The following ANKRD12 variants were observed in gnomAD, a reference collection of about 807,000 sequenced individuals.
ANKRD12 encodes the protein ankyrin repeat domain 12.
In ANKRD12, 85 loss-of-function variants were observed where a neutral mutation model predicts 183.4. The ratio of observed to expected loss-of-function variants is 0.46; its 90% confidence interval spans 0.39 to 0.56. The LOEUF (loss-of-function observed/expected upper bound fraction) is 0.56. Ranked by LOEUF, ANKRD12 falls within the 20% of genes least tolerant of loss-of-function variation. The pLI is 0.00. For synonymous variants in ANKRD12, 914 were observed against 800.2 expected (o/e 1.14, Z -2.40); for missense variants, 2,405 against 2,357.1 (o/e 1.02, Z -0.42).
intron 1 of ANKRD12, among the ~76,000 whole-genome samples, chr18:9,138,240 C>T (rs530954694): frequency 6.6e-6 from 1 of 152,340 alleles, no homozygotes; most frequent in South Asian, 2.1e-4. Context: ...CAGCCGGGCG[C>T]GGTGGCTCAT....
Position 9,255,487 on chromosome 18 carries a change from T to G in ANKRD12, c.2220T>G (p.His740Gln). 1 of 1,567,316 alleles carries G rather than the reference T, an allele frequency of 6.4e-7. No homozygotes were observed. Among genetic ancestry groups the G allele is most frequent in the Non-Finnish European group, 8.6e-7 (1 of 1,165,618 alleles). The stretch of plus-strand genomic sequence containing the variant: ...ATGATAAATCAACCAAGGAAAAGCA[T>G]GTGTCAAAAGAGAGGAACTTTAAAG... ...IKDDKSTKEK[H>Q]VSKERNFKEE... The change falls in exon 9 of 13, where the codon CAT becomes CAG. Residue 740 changes from histidine to glutamine, a missense_variant. Around this residue, in one of 7 missense-constraint regions of ANKRD12, gnomAD observed 1,983 missense variants for 1,725.9 expected, o/e 1.15. Transcript: ENST00000262126.
chr18:9,248,746 G>A (rs902369698), intron 8 of ANKRD12, among the ~76,000 whole-genome samples: 6 of 152,222 alleles, frequency 3.9e-5, no homozygotes, highest in East Asian at 1.9e-4. Context: ...AAGTCAGTGC[G>A]TGTGTGAAAG....
intron 5 of ANKRD12, among the ~76,000 whole-genome samples, chr18:9,210,038 C>T (rs1161688441): frequency 2.6e-5 from 4 of 151,678 alleles, no homozygotes; most frequent in Non-Finnish European, 5.9e-5. Flanking sequence ...AATAGGAGTA[C>T]ACTATAATAC....
At chr18:9,198,816 G>C (rs2144472122) in intron 3 of ANKRD12, among the ~76,000 whole-genome samples, 1 of 152,230 alleles carries the variant, frequency 6.6e-6, no homozygotes, top group South Asian at 2.1e-4. Context: ...AAAGTGCTGG[G>C]ATTACAGGAG....
At chr18:9,205,376 A>G (rs1248838732) in intron 4 of ANKRD12, among the ~76,000 whole-genome samples, 2 of 151,860 alleles carry the variant, frequency 1.3e-5, no homozygotes, top group Non-Finnish European at 2.9e-5. Context: ...TATGACATTT[A>G]GTTATAAAAA....
At position 9,254,204 on chromosome 18, in the gene ANKRD12, A is replaced by C. The variant is rs1201323816; in HGVS notation, c.944-7A>C. 6.7e-7 allele frequency: 1 copy of C among 1,489,854 alleles called. No individual in the cohort carries two copies. Among genetic ancestry groups the C allele is most frequent in the Non-Finnish European group, 8.9e-7 (1 of 1,123,224 alleles). 92.3% of individuals were successfully genotyped at this position (1,489,854 alleles called of 1,614,324 possible). On this transcript the variant is annotated splice_region_variant and splice_polypyrimidine_tract_variant and intron_variant, in intron 8 of 12. Coordinates refer to ENST00000262126, the MANE Select transcript of ANKRD12 (RefSeq NM_015208.5). ...ACCCACACCACATTTTCTTTTTTTT[A>C]TTCTAGATTCCGAAGAGGCTCAATC...
chr18:9,253,908 G>A (rs1458810582), intron 8 of ANKRD12, among the ~76,000 whole-genome samples: 1 of 152,150 alleles, frequency 6.6e-6, no homozygotes, highest in Non-Finnish European at 1.5e-5. Flanking sequence ...AGAGATACAC[G>A]CTTCTATGTT....
At chr18:9,210,046 T>C (rs1413077857) in intron 5 of ANKRD12, among the ~76,000 whole-genome samples, 2 of 152,124 alleles carry the variant, frequency 1.3e-5, no homozygotes, top group Non-Finnish European at 2.9e-5. Flanking sequence ...TACACTATAA[T>C]ACTGTTCTGC....
rs779325792 is a variant in ANKRD12, at chr18:9,216,748, CTAACTT to C, written c.653-7_653-2del. 5.0e-6 allele frequency: 8 copies of C among 1,608,770 alleles called. No homozygotes were observed. The highest frequency in any genetic ancestry group is 2.2e-5 in the East Asian group (1 of 44,718). ...AAGTGAATCATGTTAAATTAATAAT[CTAACTT>C]TAGGTTGGACACCACTGCATGAAGC... On this transcript the variant is annotated splice_polypyrimidine_tract_variant and splice_region_variant and intron_variant, in intron 6 of 12. Transcript: ENST00000262126.
chr18:9,202,806 C>T (rs1462669830), intron 3 of ANKRD12, among the ~76,000 whole-genome samples: 2 of 152,176 alleles, frequency 1.3e-5, no homozygotes, highest in African/African-American at 4.8e-5. Context: ...TTTAATTTTC[C>T]AGTTCCTGAG....
In ANKRD12 at chr18:9,241,864, A is replaced by G. The variant is rs372492175; in HGVS notation, c.944-12347A>G. Among the ~76,000 whole-genome samples, 36 of 152,030 alleles carry G rather than the reference A, an allele frequency of 2.4e-4. No individual in the cohort carries two copies. The South Asian group carries it at 5.4e-3, about 23-fold the overall frequency. The stretch of plus-strand genomic sequence containing the variant: ...AATTAATTATATCAGCCTAGCTCCA[A>G]AGCCCAAGAGTTTTAAATTCCAGGT... On this transcript the variant is annotated intron_variant, in intron 8 of 12. Coordinates refer to ENST00000262126, the MANE Select transcript of ANKRD12 (RefSeq NM_015208.5).
chr18:9,165,732 A>T (rs1409109703), intron 1 of ANKRD12, among the ~76,000 whole-genome samples: 2 of 149,514 alleles, frequency 1.3e-5, no homozygotes, highest in African/African-American at 4.9e-5. Context: ...TTTTATTATT[A>T]TTCTACTTTA....
At chr18:9,221,046 T>G (rs1480871402) in intron 7 of ANKRD12, among the ~76,000 whole-genome samples, 1 of 152,242 alleles carries the variant, frequency 6.6e-6, no homozygotes, top group Non-Finnish European at 1.5e-5. Context: ...CAGCAAAGTT[T>G]CCTTGTTTTG....
intron 8 of ANKRD12, among the ~76,000 whole-genome samples, chr18:9,228,495 T>C (rs2036853315): frequency 2.0e-5 from 3 of 152,222 alleles, no homozygotes; most frequent in Admixed American, 2.0e-4. Context: ...ATTTTTTGTC[T>C]TTGTGATAAT....
chr18:9,246,178 A>G (rs2037953254), intron 8 of ANKRD12, among the ~76,000 whole-genome samples: 1 of 152,212 alleles, frequency 6.6e-6, no homozygotes, highest in Non-Finnish European at 1.5e-5. Context: ...TAAAAATTAT[A>G]TACTGGCATC....
At chr18:9,177,652 C>A (rs1469680878) in intron 1 of ANKRD12, among the ~76,000 whole-genome samples, 1 of 151,996 alleles carries the variant, frequency 6.6e-6, no homozygotes, top group Non-Finnish European at 1.5e-5. Context: ...TTATAGTCAC[C>A]CTACTGTGCT....
chr18:9,184,892 G>A (rs960734004), intron 2 of ANKRD12, among the ~76,000 whole-genome samples: 1 of 152,008 alleles, frequency 6.6e-6, no homozygotes, highest in Non-Finnish European at 1.5e-5. Flanking sequence ...GATCTCCTCA[G>A]TTGATCTCAC....
chr18:9,253,744 G>A (rs75247834), intron 8 of ANKRD12, among the ~76,000 whole-genome samples: 9,645 of 152,184 alleles, frequency 0.063, 333 homozygotes, highest in Non-Finnish European at 0.079. Context: ...GCATAAATGC[G>A]GAGAAAGGGG....
chr18:9,183,545 T>A (rs933167065), intron 2 of ANKRD12, among the ~76,000 whole-genome samples: 15 of 152,220 alleles, frequency 9.9e-5, no homozygotes, highest in African/African-American at 3.6e-4. Flanking sequence ...AGTACAGAAA[T>A]ATAATTGATT....
Sources: gnomAD v4.1 joint callset for allele counts (sites outside exome capture counted in the v4.1 genomes callset) on GRCh38, gnomAD v4.1.1 for gene constraint, gnomAD v4.1.1 regional missense constraint, MANE v1.5 for transcripts, NCBI Gene and HGNC (gene_info 2026-07-23, HGNC 2026-07-21) for gene names.